The following PCDHGA4 variants were observed in gnomAD, a reference collection of about 807,000 sequenced individuals.
PCDHGA4 encodes protocadherin gamma-A4.
In PCDHGA4, 38 loss-of-function variants were observed where a neutral mutation model predicts 54.6. The ratio of observed to expected loss-of-function variants is 0.70; its 90% CI spans 0.54 to 0.91. The LOEUF (loss-of-function observed/expected upper bound fraction) is 0.91. Among genes scored for constraint, PCDHGA4 ranks in the 40% least tolerant of loss-of-function variants. The pLI is 0.00. For missense variants in PCDHGA4, 1,298 were observed against 1,220.9 expected (o/e 1.06, Z -0.94); for synonymous variants, 511 against 512.9 (o/e 1.00, Z 0.05).
At chr5:141,370,668 C>A in intron 1 of PCDHGA4, 5 of 1,613,762 alleles carry the variant, frequency 3.1e-6, no homozygotes, top group Middle Eastern at 3.3e-4. Flanking sequence ...CCGTATAGAC[C>A]GAGAGGAGAT....
intron 1 of PCDHGA4, among the ~76,000 whole-genome samples, chr5:141,472,113 A>G (rs1296591849): frequency 1.3e-5 from 2 of 152,260 alleles, no homozygotes; most frequent in East Asian, 3.8e-4. Flanking sequence ...ATACATAAAG[A>G]AAATAAAAGA....
intron 1 of PCDHGA4, chr5:141,413,907 G>C (rs745956130): frequency 6.2e-7 from 1 of 1,613,270 alleles, no homozygotes; most frequent in Non-Finnish European, 8.5e-7. Context: ...ACAACGCGCC[G>C]GTCTTCACCT....
chr5:141,373,542 G>A (rs1451979596), intron 1 of PCDHGA4, among the ~76,000 whole-genome samples: 1 of 152,216 alleles, frequency 6.6e-6, no homozygotes. Flanking sequence ...GTTTGTGGTT[G>A]TTGGTACCCT....
rs1303712746 is a variant in PCDHGA4 at position 141,512,800 on chromosome 5, C to G, written c.*1627C>G. The G allele has an allele frequency of 1.3e-5, 2 of 152,238 alleles. No homozygotes were observed. Among genetic ancestry groups the G allele is most frequent in the African/African-American group, 4.8e-5 (2 of 41,434 alleles). The allele number at this position is 152,238 out of a possible 1,614,324, so 9.4% of individuals were successfully genotyped here. A position where few individuals can be genotyped will look rare whatever the true frequency, so the allele number is the denominator to read the frequency against. On this transcript the variant is annotated 3_prime_UTR_variant, in exon 4 of 4. Coordinates refer to ENST00000571252, the MANE Select transcript of PCDHGA4 (RefSeq NM_018917.4). Reference sequence around the variant, plus strand: ...GCCCGTGTTGTGTTTTGTGCTGTGTCCACGCGCTAAGGCGACCCCCTCCCC... The same window carrying G: ...GCCCGTGTTGTGTTTTGTGCTGTGTGCACGCGCTAAGGCGACCCCCTCCCC...
At position 141,393,888 on chromosome 5, in the gene PCDHGA4, A is replaced by T. The variant is rs371905513; in HGVS notation, c.2514+36267A>T. 2.5e-6 allele frequency: 4 copies of T among 1,613,898 alleles called. No homozygotes were observed. The highest frequency in any genetic ancestry group is 1.3e-5 in the African/African-American group (1 of 74,932). On this transcript the variant is annotated intron_variant, in intron 1 of 3. Transcript: ENST00000571252. ...GTCTTTGTTTAGCCCAGTGTTAGAAAATTCTCTTCCCGGGACAGTAATTGC... is the reference window on the plus strand; with the variant it reads ...GTCTTTGTTTAGCCCAGTGTTAGAATATTCTCTTCCCGGGACAGTAATTGC...
rs776189143 is a variant in PCDHGA4, at chr5:141,422,957, A to G, written c.2514+65336A>G. 11 of 1,614,190 alleles carry G rather than the reference A, an allele frequency of 6.8e-6. 1 individual carries two copies. The South Asian group carries it at 7.7e-5, about 11-fold the overall frequency. Reference sequence around the variant, plus strand: ...CCCACAGACGGCTCCACTGGCGTGGAGCTGGCGCCCCGCTCTGCGGAACCT... The same window carrying G: ...CCCACAGACGGCTCCACTGGCGTGGGGCTGGCGCCCCGCTCTGCGGAACCT... On this transcript the variant is annotated intron_variant, in intron 1 of 3. Coordinates refer to ENST00000571252, the MANE Select transcript of PCDHGA4 (RefSeq NM_018917.4).
At chr5:141,386,590 G>A (rs1589020136) in intron 1 of PCDHGA4, among the ~76,000 whole-genome samples, 1 of 151,604 alleles carries the variant, frequency 6.6e-6, no homozygotes, top group Non-Finnish European at 1.5e-5. Context: ...TAGTGTGGGG[G>A]ATACATTTTT....
At chr5:141,364,923 A>G (rs1286445808) in intron 1 of PCDHGA4, 1 of 1,613,974 alleles carries the variant, frequency 6.2e-7, no homozygotes, top group Non-Finnish European at 8.5e-7. Context: ...GTGTTGGAAC[A>G]GCCCCTAGAC....
At chr5:141,414,225 G>A in intron 1 of PCDHGA4, 1 of 1,613,398 alleles carries the variant, frequency 6.2e-7, no homozygotes, top group Non-Finnish European at 8.5e-7. Context: ...ACAGTCCAGA[G>A]CTGACCATCA....
At chr5:141,410,659 C>T (rs1481225976) in intron 1 of PCDHGA4, 5 of 1,571,890 alleles carry the variant, frequency 3.2e-6, no homozygotes, top group Non-Finnish European at 4.3e-6. Flanking sequence ...ATCTAATAGT[C>T]TACTAGTTTC....
At chr5:141,398,023 G>C in intron 1 of PCDHGA4, 1 of 1,438,566 alleles carries the variant, frequency 7.0e-7, no homozygotes, top group Non-Finnish European at 9.3e-7. Context: ...TCCTAAACTG[G>C]AACTGGAACT....
At position 141,371,244 on chromosome 5, in the gene PCDHGA4, A is replaced by T. The variant is rs1767599935; in HGVS notation, c.2514+13623A>T. ...CGAAATCATCTATGCCTTCATCAATATTGGCAAGGAAGTGAGACAACTGTT... is the reference window on the plus strand; with the variant it reads ...CGAAATCATCTATGCCTTCATCAATTTTGGCAAGGAAGTGAGACAACTGTT... On this transcript the variant is annotated intron_variant, in intron 1 of 3. Transcript: ENST00000571252. 1.9e-6 allele frequency: 3 copies of T among 1,614,038 alleles called. No individual in the cohort carries two copies. Among genetic ancestry groups the T allele is most frequent in the Non-Finnish European group, 2.5e-6 (3 of 1,179,908 alleles).
At position 141,487,543 on chromosome 5, in the gene PCDHGA4, A is replaced by G. The variant is rs2099649285; in HGVS notation, c.2515-7264A>G. On this transcript the variant is annotated intron_variant, in intron 1 of 3. Coordinates refer to ENST00000571252, the MANE Select transcript of PCDHGA4 (RefSeq NM_018917.4). This position sits in a 1 kb window ranked among gnomAD's most constrained non-coding sequence, Gnocchi z 5.0. ...GTGATAGCTTCATGATGGTGAAGTC[A>G]CCCAGTGCACCTATGGCAGGGGAGC... is the stretch of plus-strand genomic sequence containing the variant. The G allele has an allele frequency of 3.7e-6, 6 of 1,614,114 alleles. No homozygotes were observed. In the South Asian group the frequency reaches 5.5e-5, roughly 15 times the overall value.
At chr5:141,500,930 G>A (rs1300719832) in intron 2 of PCDHGA4, among the ~76,000 whole-genome samples, 4 of 151,824 alleles carry the variant, frequency 2.6e-5, no homozygotes, top group Admixed American at 6.6e-5. Context: ...GTGCAGTGGC[G>A]CCATCTCGGC....
rs758320936 is a variant in PCDHGA4 at position 141,357,250 on chromosome 5, C to T, written c.2143C>T (p.Pro715Ser). 7 of 1,613,742 alleles carry T rather than the reference C, an allele frequency of 4.3e-6. No individual in the cohort carries two copies. In the South Asian group the frequency reaches 6.6e-5, roughly 15 times the overall value. ...GGGCAGCCTCAAGCCTTCAGCAGAC[C>T]CAGACGACTCGGGCCTCACACTCTA... ...DLGSLKPSADPDDSGLTLYLV... is the reference protein window; with the variant it reads ...DLGSLKPSADSDDSGLTLYLV... Residue 715 changes from proline (P) to serine (S), a missense_variant, in exon 1 of 4, where the codon CCA becomes TCA. By Grantham distance (74) the Pro-to-Ser change is moderately conservative. Coordinates refer to ENST00000571252, the MANE Select transcript of PCDHGA4 (RefSeq NM_018917.4).
chr5:141,432,094 C>G lies in PCDHGA4; in HGVS notation c.2515-62713C>G. On this transcript the variant is annotated intron_variant, in intron 1 of 3. Transcript: ENST00000571252. This position sits in a 1 kb window ranked among gnomAD's most constrained non-coding sequence, Gnocchi z 6.0. ...ATATCTCGCTGAACGTGGCAGACAC[C>G]AACGACAACCCGCCGGTCTTCCCTC... The G allele has an allele frequency of 6.2e-7, 1 of 1,614,178 alleles. No homozygotes were observed. The highest frequency in any genetic ancestry group is 8.5e-7 in the Non-Finnish European group (1 of 1,180,046).
At chr5:141,416,004 A>G (rs1225801773) in intron 1 of PCDHGA4, 2 of 254,264 alleles carry the variant, frequency 7.9e-6, no homozygotes, top group Non-Finnish European at 1.4e-5. Flanking sequence ...CAGGTCTGGT[A>G]AGAATAGGTA....
chr5:141,400,068 G>A (rs2093954953), intron 1 of PCDHGA4: 1 of 1,613,706 alleles, frequency 6.2e-7, no homozygotes, highest in African/African-American at 1.3e-5. Flanking sequence ...ATGGTGGACA[G>A]CCGCCACTCT....
At chr5:141,417,712 C>T in intron 1 of PCDHGA4, 1 of 1,270,436 alleles carries the variant, frequency 7.9e-7, no homozygotes, top group Non-Finnish European at 1.1e-6. Context: ...ACAGAGGCTC[C>T]CGGCTGCGCA....
Sources: allele counts gnomAD v4.1 joint callset (sites outside exome capture counted in the v4.1 genomes callset), GRCh38; gene constraint gnomAD v4.1.1; non-coding constraint Gnocchi (gnomAD v3.1); transcripts MANE v1.5; gene names NCBI Gene and HGNC (gene_info 2026-07-23, HGNC 2026-07-21).